The following PCDH15 variants were observed in gnomAD, a reference collection of about 807,000 sequenced individuals.
PCDH15 encodes the protein protocadherin related 15.
In PCDH15, 129 loss-of-function variants were observed where a neutral mutation model predicts 178.5. That is an observed-to-expected ratio of 0.72 (90% CI 0.63 to 0.84). PCDH15 has a LOEUF of 0.84. Among genes scored for constraint, PCDH15 ranks in the 40% least tolerant of loss-of-function variants. The pLI, the probability that PCDH15 is intolerant of heterozygous loss-of-function variation, is 0.00. For missense variants in PCDH15, 2,230 were observed against 2,099.9 expected (o/e 1.06, Z -1.21); for synonymous variants, 800 against 732.0 (o/e 1.09, Z -1.50).
chr10:55,035,108 A>G (rs1840701859), intron 2 of PCDH15, among the ~76,000 whole-genome samples: 1 of 152,164 alleles, frequency 6.6e-6, no homozygotes, highest in Non-Finnish European at 1.5e-5. Flanking sequence ...TAACTCCAAC[A>G]TAGGGAATCT....
intron 2 of PCDH15, among the ~76,000 whole-genome samples, chr10:55,408,300 C>T (rs1838250972): frequency 6.6e-6 from 1 of 151,884 alleles, no homozygotes; most frequent in Admixed American, 6.6e-5. Context: ...ATTCTTCTGC[C>T]TCAGCTTGCC....
At chr10:53,935,483 G>C (rs140124848) in intron 25 of PCDH15, among the ~76,000 whole-genome samples, 1 of 152,152 alleles carries the variant, frequency 6.6e-6, no homozygotes, top group Admixed American at 6.6e-5. Context: ...AAAGTAAGTC[G>C]TAGAACAAAT....
intron 1 of PCDH15, among the ~76,000 whole-genome samples, chr10:55,176,894 A>C (rs1839506430): frequency 6.6e-6 from 1 of 152,162 alleles, no homozygotes; most frequent in Non-Finnish European, 1.5e-5. Context: ...ATTCTGAGAC[A>C]GGCCCTACCT....
intron 2 of PCDH15, among the ~76,000 whole-genome samples, chr10:55,334,337 C>T (rs1356984599): frequency 5.8e-5 from 8 of 138,912 alleles, no homozygotes; most frequent in Admixed American, 2.2e-4. Flanking sequence ...GACAGAGTTT[C>T]GCTCTTGTTG....
At chr10:54,841,647 TTAAAAATAA>T (rs1275318555) in intron 3 of PCDH15, among the ~76,000 whole-genome samples, 1 of 151,834 alleles carries the variant, frequency 6.6e-6, no homozygotes, top group African/African-American at 2.4e-5. Context: ...CATAAAAGTT[TTAAAAATAA>T]TGGCTTTAAG....
At chr10:55,455,753 C>T (rs1589043363) in intron 2 of PCDH15, among the ~76,000 whole-genome samples, 1 of 152,100 alleles carries the variant, frequency 6.6e-6, no homozygotes, top group Middle Eastern at 3.4e-3. Flanking sequence ...TTAATGACCT[C>T]CTCAATTTCA....
At chr10:54,863,295 C>T (rs6481122) in intron 3 of PCDH15, among the ~76,000 whole-genome samples, 144,930 of 152,188 alleles carry the variant, frequency 0.95, 69,052 homozygotes, top group East Asian at 1. Flanking sequence ...GTAATCCCAG[C>T]ACTTTGGGAG....
intron 23 of PCDH15, among the ~76,000 whole-genome samples, chr10:53,952,891 T>G (rs913445872): frequency 1.3e-4 from 20 of 152,358 alleles, no homozygotes; most frequent in African/African-American, 4.8e-4. Context: ...GCTCGGGGCT[T>G]GATGACAGCT....
intron 1 of PCDH15, among the ~76,000 whole-genome samples, chr10:55,192,381 T>C (rs901903852): frequency 3.3e-5 from 5 of 151,820 alleles, no homozygotes; most frequent in Admixed American, 2.0e-4. Context: ...AGACAAAATA[T>C]GCCCTATACT....
At chr10:54,813,853 A>T (rs1952905610) in intron 3 of PCDH15, among the ~76,000 whole-genome samples, 2 of 152,218 alleles carry the variant, frequency 1.3e-5, no homozygotes, top group African/African-American at 4.8e-5. Context: ...ACATAATTTC[A>T]ATATCTAGTT....
At chr10:53,938,123 A>G (rs1328357072) in intron 25 of PCDH15, among the ~76,000 whole-genome samples, 1 of 152,152 alleles carries the variant, frequency 6.6e-6, no homozygotes, top group Non-Finnish European at 1.5e-5. Context: ...AATCTGTGTC[A>G]GTTCCCTTCA....
At chr10:54,726,438 G>T (rs1942537329) in intron 1 of PCDH15, among the ~76,000 whole-genome samples, 3 of 102,158 alleles carry the variant, frequency 2.9e-5, no homozygotes, top group Admixed American at 2.5e-4. Context: ...GTGTGTGTGT[G>T]TGTGTGTGTG....
At chr10:54,398,810 G>A (rs569364790) in intron 3 of PCDH15, among the ~76,000 whole-genome samples, 8 of 152,092 alleles carry the variant, frequency 5.3e-5, no homozygotes, top group Non-Finnish European at 8.8e-5. Flanking sequence ...CCAAGTATCC[G>A]GGTTGCCTTA....
chr10:54,838,378 C>A (rs1440605623), intron 3 of PCDH15, among the ~76,000 whole-genome samples: 2 of 152,134 alleles, frequency 1.3e-5, no homozygotes, highest in African/African-American at 2.4e-5. Context: ...AGTTCCCCTG[C>A]ACTCGCTTAC....
intron 2 of PCDH15, among the ~76,000 whole-genome samples, chr10:55,342,185 T>G (rs1844620514): frequency 6.6e-6 from 1 of 151,804 alleles, no homozygotes; most frequent in Non-Finnish European, 1.5e-5. Flanking sequence ...TTTTCCTTTG[T>G]TTTGTGAATG....
chr10:54,853,268 T>C (rs1953660943), intron 3 of PCDH15, among the ~76,000 whole-genome samples: 1 of 136,638 alleles, frequency 7.3e-6, no homozygotes, highest in Non-Finnish European at 1.6e-5. Flanking sequence ...CTCAAATATA[T>C]ATATATGTGT....
intron 2 of PCDH15, among the ~76,000 whole-genome samples, chr10:55,422,032 T>C (rs987130747): frequency 6.6e-6 from 1 of 151,772 alleles, no homozygotes; most frequent in Non-Finnish European, 1.5e-5. Flanking sequence ...GCTTTGAGTA[T>C]ATTTAGCCCA....
chr10:54,430,209 C>A (rs1423900006), intron 3 of PCDH15, among the ~76,000 whole-genome samples: 1 of 152,040 alleles, frequency 6.6e-6, no homozygotes, highest in East Asian at 1.9e-4. Flanking sequence ...GCATGTGCCA[C>A]CATGCCCAAC....
At chr10:54,532,335 C>T (rs560243003) in intron 2 of PCDH15, among the ~76,000 whole-genome samples, 1 of 152,220 alleles carries the variant, frequency 6.6e-6, no homozygotes, top group East Asian at 1.9e-4. Context: ...CCACAATATG[C>T]CTTCTCCTTC....
Sources: allele counts gnomAD v4.1 joint callset (sites outside exome capture counted in the v4.1 genomes callset), GRCh38; gene constraint gnomAD v4.1.1; transcripts MANE v1.5; gene names NCBI Gene and HGNC (gene_info 2026-07-23, HGNC 2026-07-21).